LBHD1: variants seen among roughly 807,000 people sequenced by gnomAD.
The protein encoded by LBHD1 is LBH domain containing 1.
A neutral mutation model predicts 31.1 loss-of-function variants in LBHD1; 28 were observed. The observed-to-expected ratio is 0.90, with a 90% CI of 0.67 to 1.24. The LOEUF is 1.24. Ranked by LOEUF, LBHD1 falls within the 50% of genes most tolerant of loss-of-function variation. The pLI is 0.00. For missense variants in LBHD1, 350 were observed against 323.0 expected (o/e 1.08, Z -0.64); for synonymous variants, 105 against 116.5 (o/e 0.90, Z 0.63).
intron 1 of LBHD1, 74 bp from the exon 2 acceptor site, chr11:62,670,115 C>G (rs542125818): frequency 3.2e-4 from 464 of 1,460,748 alleles, no homozygotes; most frequent in Admixed American, 4.7e-4. Context: ...TTCCTTTAAT[C>G]TTCTTTGGAG....
intron 3 of LBHD1, 27 bp from the exon 4 acceptor site, chr11:62,667,774 A>C (rs1394560208): frequency 2.1e-6 from 3 of 1,429,944 alleles, no homozygotes; most frequent in Non-Finnish European, 2.9e-6. Context: ...GAGGGGACAA[A>C]AATATTACTG....
intron 6 of LBHD1, 33 bp downstream of exon 6, chr11:62,663,203 G>T: frequency 6.2e-7 from 1 of 1,613,770 alleles, no homozygotes; most frequent in Non-Finnish European, 8.5e-7. Context: ...ATAAATCCAG[G>T]ATTCCCCTCA....
intron 4 of LBHD1, chr11:62,665,690 A>C: frequency 6.9e-7 from 1 of 1,459,332 alleles, no homozygotes; most frequent in African/African-American, 1.4e-5. Flanking sequence ...CGCTGCAGCC[A>C]ATAAAGGCCG....
At position 62,667,764 on chromosome 11, in the gene LBHD1, G is replaced by C. The variant is rs767320802; in HGVS notation, c.314-17C>G. 1.3e-6 allele frequency: 2 copies of C among 1,529,482 alleles called. No individual in the cohort carries two copies. Among genetic ancestry groups the C allele is most frequent in the East Asian group, 4.5e-5 (2 of 44,202 alleles). 94.7% of individuals were successfully genotyped at this position (1,529,482 alleles called of 1,614,324 possible). A position where few individuals can be genotyped will look rare whatever the true frequency, so the allele number is the denominator to read the frequency against. ...AAGCCCAGCCTGGGATGGAGGAAGA[G>C]AGGGGACAAAAATATTACTGATATA... On this transcript the variant is annotated splice_polypyrimidine_tract_variant and intron_variant, in intron 3 of 6. Coordinates refer to ENST00000354588, the MANE Select transcript of LBHD1 (RefSeq NM_024099.5).
In LBHD1 at chr11:62,669,806, G is replaced by C. The variant is rs756466502; in HGVS notation, c.151-3C>G. On this transcript the variant is annotated splice_polypyrimidine_tract_variant and splice_region_variant and intron_variant, in intron 2 of 6. Coordinates refer to ENST00000354588, the MANE Select transcript of LBHD1 (RefSeq NM_024099.5). ...AGATGGGACTTTTGAGAGAAATCCT[G>C]AATAGGGACAGCAGGGAGGTTGGGC... The C allele has an allele frequency of 1.7e-5, 28 of 1,614,082 alleles. No homozygotes were observed. In the South Asian group the frequency reaches 3.0e-4, roughly 17 times the overall value.
In LBHD1 at chr11:62,664,883, CTT is replaced by C; in HGVS notation, c.627_628del (p.Arg210GlyfsTer2). The C allele has an allele frequency of 6.3e-7, 1 of 1,586,364 alleles. No individual in the cohort carries two copies. Among genetic ancestry groups the C allele is most frequent in the Non-Finnish European group, 8.6e-7 (1 of 1,166,372 alleles). On this transcript the variant is annotated frameshift_variant, in exon 5 of 7. Transcript: ENST00000354588. LOFTEE classifies it high-confidence loss of function. ...TTGAGGTGGTGCCGCGTGATCAGCC[CTT>C]GGTCTATCACAGCCCCGACCACCCG...
chr11:62,665,874 C>T, intron 4 of LBHD1: 1 of 1,613,076 alleles, frequency 6.2e-7, no homozygotes, highest in Non-Finnish European at 8.5e-7. Context: ...TTACCCGAAT[C>T]TCCAGATGGC....
intron 4 of LBHD1, chr11:62,666,902 G>C (rs754049044): frequency 6.2e-6 from 10 of 1,614,126 alleles, no homozygotes; most frequent in Non-Finnish European, 5.9e-6. Flanking sequence ...AAACCCTCAG[G>C]GGACCCTGAT....
chr11:62,668,779 G>C lies in LBHD1; in HGVS notation c.313+862C>G, dbSNP rs542877138. ...GGTCATTGCCACTGCACTCCAGCCT[G>C]GGGGACAGAGCAAGACTCTGTCTCA... On this transcript the variant is annotated intron_variant, in intron 3 of 6. Coordinates refer to ENST00000354588, the MANE Select transcript of LBHD1 (RefSeq NM_024099.5). 3.6e-3 allele frequency among the ~76,000 whole-genome samples: 548 copies of C among 151,498 alleles called. 1 individual carries two copies. The highest frequency in any genetic ancestry group is 0.012 in the African/African-American group (512 of 41,344).
At chr11:62,668,502 A>AAG (rs1439664131) in intron 3 of LBHD1, 1 of 150,888 alleles carries the variant, frequency 6.6e-6, no homozygotes, top group Non-Finnish European at 1.5e-5. Context: ...AAAAAAAAAA[A>AAG]GTAGCTTCTG....
chr11:62,664,163 A>AAACTTAC (rs1944729112), intron 5 of LBHD1, among the ~76,000 whole-genome samples: 1 of 151,598 alleles, frequency 6.6e-6, no homozygotes, highest in South Asian at 2.1e-4. Flanking sequence ...GGAGGCCTTG[A>AAACTTAC]AACTTACAAG....
At chr11:62,669,169 C>T (rs893487643) in intron 3 of LBHD1, among the ~76,000 whole-genome samples, 4 of 152,130 alleles carry the variant, frequency 2.6e-5, no homozygotes, top group African/African-American at 9.7e-5. Context: ...ATCTGCCCGC[C>T]TCAGCCTCCC....
intron 4 of LBHD1, chr11:62,665,602 C>T (rs775175499): frequency 2.7e-5 from 42 of 1,565,032 alleles, no homozygotes; most frequent in Admixed American, 3.5e-5. Context: ...CGAGATCCAG[C>T]TGGCTCCTCC....
In LBHD1 at chr11:62,669,998, C is replaced by T; in HGVS notation, c.34G>A (p.Gly12Arg). ...ALVPGRSKEDGLWTRNSPGSS... is the reference protein window; with the variant it reads ...ALVPGRSKEDRLWTRNSPGSS... ...CCTGGGCTATTTCTAGTCCAAAGCCCATCCTCCTTGCTTCTCCCTGGCACA... is the reference window on the plus strand; with the variant it reads ...CCTGGGCTATTTCTAGTCCAAAGCCTATCCTCCTTGCTTCTCCCTGGCACA... Residue 12 changes from glycine to arginine, a missense_variant, in exon 2 of 7, where the codon GGG (glycine) becomes AGG (arginine). Transcript: ENST00000354588. 2 of 1,613,460 alleles carry T rather than the reference C, an allele frequency of 1.2e-6. No individual in the cohort carries two copies. The highest frequency in any genetic ancestry group is 1.1e-5 in the South Asian group (1 of 91,038).
intron 4 of LBHD1, chr11:62,665,497 G>T: frequency 6.4e-7 from 1 of 1,572,320 alleles, no homozygotes; most frequent in East Asian, 2.3e-5. Context: ...AAGGGCTCTG[G>T]CCCCCTCGGC....
chr11:62,671,536 TTGG>T, intron 1 of LBHD1, 25 bp downstream of exon 1: 2 of 1,415,910 alleles, frequency 1.4e-6, no homozygotes, highest in Non-Finnish European at 1.8e-6. Flanking sequence ...CCAGCACTTC[TTGG>T]ACACCTCAAC....
At chr11:62,667,850 G>A (rs1015760682) in intron 3 of LBHD1, 103 bp from the exon 4 acceptor site, 1 of 815,034 alleles carries the variant, frequency 1.2e-6, no homozygotes, top group African/African-American at 1.7e-5. Flanking sequence ...CAGCACTTTG[G>A]GAGGCCAAGG....
chr11:62,671,943 C>G lies in LBHD1; in HGVS notation c.-390G>C, dbSNP rs996961721. The G allele has an allele frequency of 6.2e-7, 1 of 1,613,642 alleles. No individual in the cohort carries two copies. Among genetic ancestry groups the G allele is most frequent in the Non-Finnish European group, 8.5e-7 (1 of 1,179,828 alleles). On this transcript the variant is annotated 5_prime_UTR_variant, in exon 1 of 7. Transcript: ENST00000354588. Reference sequence around the variant, plus strand: ...CTGGAGCTCCTGCGAACTCCCCTTCCTGCCCTCAGGAGATGCCACTGCAGG... The same window carrying G: ...CTGGAGCTCCTGCGAACTCCCCTTCGTGCCCTCAGGAGATGCCACTGCAGG...
chr11:62,667,524 C>G lies in LBHD1; in HGVS notation c.537G>C (p.Glu179Asp), dbSNP rs140170783. Residue 179 changes from glutamate (E) to aspartate (D), a missense_variant and splice_region_variant, in exon 4 of 7, where the codon GAG (glutamate) becomes GAC (aspartate). By Grantham distance (45) the Glu-to-Asp change is conservative. Coordinates refer to ENST00000354588, the MANE Select transcript of LBHD1 (RefSeq NM_024099.5). ...YSHLLPPNSFEGAEEEAVQTP... is the reference protein window; with the variant it reads ...YSHLLPPNSFDGAEEEAVQTP... ...TGAGGGGGAGGGAACAATACTTACC[C>G]TCAAAGCTATTAGGAGGCAGGAGAT... 5.5e-5 allele frequency: 89 copies of G among 1,613,812 alleles called. No individual in the cohort carries two copies. Among genetic ancestry groups the G allele is most frequent in the African/African-American group, 1.3e-5 (1 of 74,874 alleles).
Sources: allele counts gnomAD v4.1 joint callset (sites outside exome capture counted in the v4.1 genomes callset), GRCh38; gene constraint gnomAD v4.1.1; transcripts MANE v1.5; gene names NCBI Gene and HGNC (gene_info 2026-07-23, HGNC 2026-07-21).